Variants in LRRC72 observed in about 807,000 individuals in gnomAD.
LRRC72 encodes leucine-rich repeat-containing protein 72.
In LRRC72, 41 loss-of-function variants were observed where a neutral mutation model predicts 35.8. That is an observed-to-expected ratio of 1.15 (90% CI 0.89 to 1.49). The LOEUF (loss-of-function observed/expected upper bound fraction) is 1.49. Among genes scored for constraint, LRRC72 ranks in the 40% most tolerant of loss-of-function variants. The pLI, the probability that LRRC72 is intolerant of heterozygous loss-of-function variation, is 0.00. For synonymous variants in LRRC72, 118 were observed against 119.2 expected (o/e 0.99, Z 0.07); for missense variants, 389 against 330.7 (o/e 1.18, Z -1.37).
In LRRC72 at chr7:16,528,506, G is replaced by A. The variant is rs145432532; in HGVS notation, c.90+1464G>A. ...ATCATCATCACCTGTGACTTCCCTC[G>A]TGCTAATTCTCTGCCTCCATTTACT... On this transcript the variant is annotated intron_variant, in intron 1 of 8. Coordinates refer to ENST00000401542, the MANE Select transcript of LRRC72 (RefSeq NM_001195280.2). 2.9e-3 allele frequency among the ~76,000 whole-genome samples: 433 copies of A among 151,878 alleles called. 3 individuals carry two copies. In the South Asian group the frequency reaches 0.034, roughly 12 times the overall value.
At chr7:16,538,797 C>T (rs1322137323) in intron 3 of LRRC72, among the ~76,000 whole-genome samples, 6 of 152,184 alleles carry the variant, frequency 3.9e-5, no homozygotes, top group Admixed American at 1.3e-4. Flanking sequence ...GCACTTCCTC[C>T]ATTGCTCCCT....
At position 16,537,657 on chromosome 7, in the gene LRRC72, G is replaced by A. The variant is rs1424526512; in HGVS notation, c.195G>A (p.Arg65=). Residue 65 remains arginine (R), a synonymous_variant, in exon 3 of 9, where the codon AGG becomes AGA. Coordinates refer to ENST00000401542, the MANE Select transcript of LRRC72 (RefSeq NM_001195280.2). ...KELTEVIDLS[R]FKKLKYLWLH... ...TGACAGAGGTCATTGATCTTTCTAG[G>A]TTTAAAAAATTAAAATACTTATGGC... 4 of 1,526,264 alleles carry A rather than the reference G, an allele frequency of 2.6e-6. No individual in the cohort carries two copies. The highest frequency in any genetic ancestry group is 3.5e-6 in the Non-Finnish European group (4 of 1,133,754). The allele number at this position is 1,526,264 out of a possible 1,614,324, so 94.5% of individuals were successfully genotyped here.
intron 3 of LRRC72, among the ~76,000 whole-genome samples, chr7:16,548,851 C>G (rs1782497870): frequency 6.6e-6 from 1 of 152,252 alleles, no homozygotes; most frequent in African/African-American, 2.4e-5. Flanking sequence ...GCAACACGAT[C>G]TCCAAGCTTC....
chr7:16,562,351 C>T (rs1782757636), intron 5 of LRRC72, among the ~76,000 whole-genome samples: 1 of 152,084 alleles, frequency 6.6e-6, no homozygotes, highest in African/African-American at 2.4e-5. Context: ...CTTTCCAGTA[C>T]TAAGGGAAAA....
chr7:16,567,309 T>C (rs1782862385), intron 6 of LRRC72, 82 bp from the exon 7 acceptor site: 5 of 994,306 alleles, frequency 5.0e-6, no homozygotes, highest in Non-Finnish European at 4.2e-6. Context: ...ATAAATACAT[T>C]CTTGAAAGTG....
chr7:16,559,146 T>C lies in LRRC72; in HGVS notation c.427+147T>C, dbSNP rs541183408. On this transcript the variant is annotated intron_variant, in intron 5 of 8. Transcript: ENST00000401542. ...CTGTGACTCACGCCTGTAATCTCAGTGCTTAGGCAGGCTGAGGTGGGCGGA... is the reference window on the plus strand; with the variant it reads ...CTGTGACTCACGCCTGTAATCTCAGCGCTTAGGCAGGCTGAGGTGGGCGGA... The C allele has an allele frequency of 1.9e-4, 94 of 494,236 alleles. No homozygotes were observed. The South Asian group carries it at 2.8e-3, about 15-fold the overall frequency. The allele number at this position is 494,236 out of a possible 1,614,324, so 30.6% of individuals were successfully genotyped here.
intron 1 of LRRC72, among the ~76,000 whole-genome samples, chr7:16,531,307 T>G (rs929325328): frequency 1.3e-5 from 2 of 151,978 alleles, no homozygotes; most frequent in African/African-American, 4.8e-5. Flanking sequence ...CAAAGCACCC[T>G]GATGGCAATG....
At chr7:16,533,118 A>C (rs893354373) in intron 2 of LRRC72, among the ~76,000 whole-genome samples, 13 of 152,110 alleles carry the variant, frequency 8.5e-5, no homozygotes, top group African/African-American at 3.1e-4. Context: ...CACAGCAAGC[A>C]CTCAATGAGT....
chr7:16,577,296 G>T (rs944997168), intron 7 of LRRC72, among the ~76,000 whole-genome samples: 1 of 152,118 alleles, frequency 6.6e-6, no homozygotes, highest in African/African-American at 2.4e-5. Flanking sequence ...CATTTACTGA[G>T]GCCCCCCAAG....
At chr7:16,573,329 A>G (rs1218952436) in intron 7 of LRRC72, among the ~76,000 whole-genome samples, 2 of 152,240 alleles carry the variant, frequency 1.3e-5, no homozygotes, top group African/African-American at 4.8e-5. Context: ...GAACCAAAAA[A>G]GAGCCTGTAT....
intron 5 of LRRC72, among the ~76,000 whole-genome samples, chr7:16,562,166 T>C (rs1292221535): frequency 6.6e-6 from 1 of 152,096 alleles, no homozygotes; most frequent in Admixed American, 6.6e-5. Flanking sequence ...AATTCCTGTC[T>C]TCAGGCAGAG....
intron 3 of LRRC72, among the ~76,000 whole-genome samples, chr7:16,554,058 G>A (rs1192818992): frequency 6.6e-6 from 1 of 152,220 alleles, no homozygotes; most frequent in Non-Finnish European, 1.5e-5. Context: ...GCCAGGTGCG[G>A]TGGCTCACAC....
chr7:16,549,289 T>TGACA (rs369696235), intron 3 of LRRC72, among the ~76,000 whole-genome samples: 100 of 152,338 alleles, frequency 6.6e-4, no homozygotes, highest in African/African-American at 2.2e-3. Context: ...AGAATTTCCA[T>TGACA]GACAGAAGCA....
intron 3 of LRRC72, among the ~76,000 whole-genome samples, chr7:16,547,436 G>A (rs1782467998): frequency 6.6e-6 from 1 of 152,116 alleles, no homozygotes; most frequent in African/African-American, 2.4e-5. Flanking sequence ...GGGCACCCCT[G>A]TGCTCTTGGG....
At chr7:16,558,591 C>T (rs1782691357) in intron 4 of LRRC72, among the ~76,000 whole-genome samples, 4 of 151,676 alleles carry the variant, frequency 2.6e-5, no homozygotes, top group Admixed American at 2.6e-4. Flanking sequence ...GCCTGGGCAA[C>T]AAGAGTGAAA....
intron 1 of LRRC72, among the ~76,000 whole-genome samples, chr7:16,528,439 T>C (rs1297184184): frequency 6.6e-6 from 1 of 152,114 alleles, no homozygotes; most frequent in African/African-American, 2.4e-5. Flanking sequence ...GCTGCATCTG[T>C]CTTCCCTCCC....
At position 16,531,226 on chromosome 7, in the gene LRRC72, C is replaced by A. The variant is rs988514619; in HGVS notation, c.91-1269C>A. ...CAAAAACAAACAAAAAAAACAAAAC[C>A]CAGATGACAATGTCTAAGCCTGATC... On this transcript the variant is annotated intron_variant, in intron 1 of 8. Coordinates refer to ENST00000401542, the MANE Select transcript of LRRC72 (RefSeq NM_001195280.2). Among the ~76,000 whole-genome samples the A allele has an allele frequency of 4.0e-5, 6 of 151,694 alleles. No homozygotes were observed. In the East Asian group the frequency reaches 1.2e-3, roughly 29 times the overall value.
At chr7:16,559,929 C>A (rs1222896205) in intron 5 of LRRC72, among the ~76,000 whole-genome samples, 1 of 151,496 alleles carries the variant, frequency 6.6e-6, no homozygotes, top group Non-Finnish European at 1.5e-5. Context: ...ACTGGAGGCC[C>A]AGCAAACTTT....
chr7:16,543,675 T>C, intron 3 of LRRC72, among the ~76,000 whole-genome samples: 1 of 152,202 alleles, frequency 6.6e-6, no homozygotes, highest in East Asian at 1.9e-4. Flanking sequence ...TCTAACCTAA[T>C]TGTAACAGAC....
Sources: allele counts gnomAD v4.1 joint callset (sites outside exome capture counted in the v4.1 genomes callset), GRCh38; gene constraint gnomAD v4.1.1; transcripts MANE v1.5; gene names NCBI Gene and HGNC (gene_info 2026-07-23, HGNC 2026-07-21).